EXOC4: variants seen among roughly 807,000 people sequenced by gnomAD.
EXOC4 encodes the protein SEC8-like 1.
Under a neutral mutation model 107.2 loss-of-function variants are expected in EXOC4, and 71 were observed. The ratio of observed to expected loss-of-function variants is 0.66; its 90% CI spans 0.55 to 0.81. The LOEUF (loss-of-function observed/expected upper bound fraction) is 0.81, where lower values mean the gene tolerates loss of function less well. EXOC4 is among the 30% of genes least tolerant of loss of function. EXOC4 has a pLI of 0.00. For missense variants in EXOC4, 1,108 were observed against 1,189.6 expected, an observed-to-expected ratio of 0.93 and a Z score of 1.01; for synonymous variants, 456 against 441.2, an observed-to-expected ratio of 1.03 and a Z score of -0.42.
chr7:133,488,759 A>G (rs997104191), intron 9 of EXOC4, among the ~76,000 whole-genome samples: 1 of 152,032 alleles, frequency 6.6e-6, no homozygotes, highest in Non-Finnish European at 1.5e-5. Flanking sequence ...AGAAGGATGG[A>G]TATGTAAGTT....
chr7:133,954,592 ATTG>A (rs1800771527), intron 14 of EXOC4, among the ~76,000 whole-genome samples: 1 of 152,238 alleles, frequency 6.6e-6, no homozygotes, highest in African/African-American at 2.4e-5. Context: ...AGGTTTGGAA[ATTG>A]TTGTGTTACT....
chr7:133,641,876 T>C (rs1238239434), intron 10 of EXOC4, among the ~76,000 whole-genome samples: 2 of 152,206 alleles, frequency 1.3e-5, no homozygotes, highest in African/African-American at 4.8e-5. Flanking sequence ...TGCTCAGAAA[T>C]GCATCTAAGT....
chr7:133,758,446 T>G (rs1265852715), intron 10 of EXOC4, among the ~76,000 whole-genome samples: 1 of 152,204 alleles, frequency 6.6e-6, no homozygotes, highest in Non-Finnish European at 1.5e-5. Context: ...GCCCATAGTT[T>G]ATTCCTTGAA....
chr7:133,329,869 TGGGAGGTGTCTCCTAGTC>T (rs1327768826), intron 5 of EXOC4, among the ~76,000 whole-genome samples: 1 of 152,172 alleles, frequency 6.6e-6, no homozygotes, highest in Non-Finnish European at 1.5e-5. Context: ...CGGCCCCTAC[TGGGAGGTGTCTCCTAGTC>T]AGGAGGCATG....
chr7:133,666,580 T>C (rs1793818551), intron 10 of EXOC4, among the ~76,000 whole-genome samples: 1 of 152,200 alleles, frequency 6.6e-6, no homozygotes, highest in Non-Finnish European at 1.5e-5. Flanking sequence ...TAATGCAGTT[T>C]ATAAGCAACT....
chr7:133,515,843 G>C (rs780639010), intron 9 of EXOC4, among the ~76,000 whole-genome samples: 4 of 152,076 alleles, frequency 2.6e-5, no homozygotes, highest in Non-Finnish European at 5.9e-5. Flanking sequence ...AGTTTCTAAA[G>C]AATTCACCAA....
chr7:133,545,896 T>C (rs1048734733), intron 9 of EXOC4, among the ~76,000 whole-genome samples: 2 of 152,210 alleles, frequency 1.3e-5, no homozygotes, highest in African/African-American at 4.8e-5. Flanking sequence ...AAATCCCTGA[T>C]TACCAATTTA....
chr7:134,002,874 T>C (rs557041509), intron 15 of EXOC4, among the ~76,000 whole-genome samples: 116 of 144,336 alleles, frequency 8.0e-4, no homozygotes, highest in African/African-American at 3.0e-3. Context: ...TGCCAGTAAG[T>C]AAGCAAAATG....
At chr7:133,457,889 A>G (rs1022399111) in intron 7 of EXOC4, among the ~76,000 whole-genome samples, 1 of 152,332 alleles carries the variant, frequency 6.6e-6, no homozygotes, top group Non-Finnish European at 1.5e-5. Flanking sequence ...AGCTTCAGTA[A>G]TAATGCTAAC....
intron 6 of EXOC4, 37 bp from the exon 7 acceptor site, chr7:133,374,791 G>C: frequency 1.3e-6 from 2 of 1,566,192 alleles, no homozygotes; most frequent in East Asian, 2.3e-5. Context: ...CTGCGTGTAC[G>C]TATGTGTAAA....
At chr7:133,586,380 C>G (rs909606489) in intron 9 of EXOC4, among the ~76,000 whole-genome samples, 1 of 152,124 alleles carries the variant, frequency 6.6e-6, no homozygotes, top group South Asian at 2.1e-4. Context: ...GGATAATGTC[C>G]TCCATTACTA....
At chr7:133,367,879 A>G (rs1796282222) in intron 6 of EXOC4, among the ~76,000 whole-genome samples, 1 of 152,114 alleles carries the variant, frequency 6.6e-6, no homozygotes, top group South Asian at 2.1e-4. Context: ...TCATGATTTC[A>G]TTGTCATTGT....
intron 3 of EXOC4, among the ~76,000 whole-genome samples, chr7:133,304,515 A>G (rs888128787): frequency 6.6e-6 from 1 of 152,162 alleles, no homozygotes; most frequent in Non-Finnish European, 1.5e-5. Flanking sequence ...CTTATTTGCT[A>G]CTGACATTTG....
At chr7:133,625,878 C>T (rs568237396) in intron 9 of EXOC4, among the ~76,000 whole-genome samples, 1 of 152,180 alleles carries the variant, frequency 6.6e-6, no homozygotes, top group African/African-American at 2.4e-5. Flanking sequence ...CTGACCTGTC[C>T]AGTGCTCTAA....
intron 17 of EXOC4, among the ~76,000 whole-genome samples, chr7:134,028,478 A>C (rs1422143552): frequency 6.6e-6 from 1 of 152,238 alleles, no homozygotes; most frequent in African/African-American, 2.4e-5. Flanking sequence ...AACCGCAATT[A>C]TGTGAGAATA....
intron 5 of EXOC4, among the ~76,000 whole-genome samples, chr7:133,337,543 A>G (rs1038210925): frequency 6.6e-5 from 10 of 151,148 alleles, no homozygotes; most frequent in African/African-American, 2.4e-4. Context: ...AATTTTATTT[A>G]TATAGAGATC....
intron 17 of EXOC4, among the ~76,000 whole-genome samples, chr7:134,012,355 T>C (rs1033586048): frequency 1.3e-5 from 2 of 152,068 alleles, no homozygotes; most frequent in African/African-American, 2.4e-5. Context: ...ATGGTAGCAT[T>C]GGAGAGGATG....
At chr7:133,655,452 T>A (rs1317285131) in intron 10 of EXOC4, among the ~76,000 whole-genome samples, 1 of 152,236 alleles carries the variant, frequency 6.6e-6, no homozygotes, top group Non-Finnish European at 1.5e-5. Context: ...ACTTTCTGAT[T>A]CTTTCATAAT....
chr7:134,013,691 A>G (rs1248205685), intron 17 of EXOC4, among the ~76,000 whole-genome samples: 1 of 152,214 alleles, frequency 6.6e-6, no homozygotes, highest in Non-Finnish European at 1.5e-5. Context: ...TCTAAAAATA[A>G]AGTCTATTAA....
Sources: gnomAD v4.1 joint callset for allele counts (sites outside exome capture counted in the v4.1 genomes callset) on GRCh38, gnomAD v4.1.1 for gene constraint, MANE v1.5 for transcripts, NCBI Gene and HGNC (gene_info 2026-07-23, HGNC 2026-07-21) for gene names.